The following DOCK9 variants were observed in gnomAD, a reference collection of about 807,000 sequenced individuals.
DOCK9 encodes the protein dedicator of cytokinesis protein 9.
Under a neutral mutation model 263.3 loss-of-function variants are expected in DOCK9, and 89 were observed. The observed-to-expected ratio is 0.34, with a 90% confidence interval of 0.28 to 0.40. The LOEUF (loss-of-function observed/expected upper bound fraction) is 0.40, where lower values mean the gene tolerates loss of function less well. Among genes scored for constraint, DOCK9 ranks in the 10% least tolerant of loss-of-function variants. The probability of loss-of-function intolerance (pLI) is 1.00; values close to 1 mark genes in which losing one functional copy is unlikely to be tolerated. For missense variants in DOCK9, 2,140 were observed against 2,603.4 expected (o/e 0.82, Z 3.87); for synonymous variants, 976 against 973.1 (o/e 1.00, Z -0.06).
chr13:98,809,067 A>G (rs2091024681), intron 47 of DOCK9: 1 of 1,520,654 alleles, frequency 6.6e-7, no homozygotes, highest in Non-Finnish European at 8.8e-7. Flanking sequence ...AAACTTGCAA[A>G]CCACACTGAA....
At chr13:99,059,940 T>A (rs554591369) in intron 1 of DOCK9, among the ~76,000 whole-genome samples, 1 of 152,124 alleles carries the variant, frequency 6.6e-6, no homozygotes, top group Non-Finnish European at 1.5e-5. Flanking sequence ...CCACTTCACA[T>A]AATGTTATCA....
At chr13:98,998,995 C>T (rs1215514293) in intron 1 of DOCK9, among the ~76,000 whole-genome samples, 1 of 152,110 alleles carries the variant, frequency 6.6e-6, no homozygotes, top group African/African-American at 2.4e-5. Context: ...ACTTTTGCTA[C>T]GTGAATCACC....
intron 1 of DOCK9, among the ~76,000 whole-genome samples, chr13:98,967,868 G>A (rs1003716237): frequency 6.6e-6 from 1 of 152,062 alleles, no homozygotes; most frequent in Non-Finnish European, 1.5e-5. Flanking sequence ...ACATATTAAT[G>A]CCATTAAGTA....
chr13:98,885,228 A>G (rs1170574751), intron 20 of DOCK9, 136 bp from the exon 21 acceptor site: 21 of 1,205,848 alleles, frequency 1.7e-5, no homozygotes, highest in Non-Finnish European at 2.4e-5. Flanking sequence ...AAAATGCCCT[A>G]AATGTAATCT....
intron 2 of DOCK9, among the ~76,000 whole-genome samples, chr13:98,947,104 T>G (rs1411697517): frequency 6.6e-6 from 1 of 152,206 alleles, no homozygotes; most frequent in Middle Eastern, 3.2e-3. Flanking sequence ...TGACAGCACT[T>G]GAGTGTTCCA....
chr13:98,898,213 C>T lies in DOCK9; in HGVS notation c.1552G>A (p.Gly518Arg). Reference sequence around the variant, plus strand: ...CAAGCAAATGGCATTCTATACTGTCCTAGTCTTTGGCATGCCTGCTTGGCA... The same window carrying T: ...CAAGCAAATGGCATTCTATACTGTCTTAGTCTTTGGCATGCCTGCTTGGCA... ...KNAKQACQRLGQYRMPFAWAA... is the reference protein window; with the variant it reads ...KNAKQACQRLRQYRMPFAWAA... The change falls in exon 14 of 53, where the codon GGA becomes AGA. Residue 518 changes from glycine (G) to arginine (R), a missense_variant. Physicochemically the swap from Gly to Arg is moderately radical, Grantham distance 125 (BLOSUM62 -2). This residue lies in a region of DOCK9 where 1,521 missense variants were observed against 1,741.7 expected (regional missense o/e 0.87). Coordinates refer to ENST00000682017, the MANE Select transcript of DOCK9 (RefSeq NM_001366683.2). 1.2e-6 allele frequency: 2 copies of T among 1,612,204 alleles called. No individual in the cohort carries two copies. The highest frequency in any genetic ancestry group is 1.7e-6 in the Non-Finnish European group (2 of 1,179,178).
intron 21 of DOCK9, among the ~76,000 whole-genome samples, chr13:98,884,213 G>C (rs1415245496): frequency 1.3e-5 from 2 of 152,224 alleles, no homozygotes; most frequent in African/African-American, 4.8e-5. Flanking sequence ...TTGAGCTCAG[G>C]ATTCTGAAGA....
intron 48 of DOCK9, among the ~76,000 whole-genome samples, chr13:98,806,908 CA>C (rs35437169): frequency 0.22 from 27,269 of 126,464 alleles, 3,225 homozygotes; most frequent in East Asian, 0.46. Context: ...GACTCCATCT[CA>C]AAAAAAAAAA....
intron 13 of DOCK9, 99 bp from the exon 14 acceptor site, chr13:98,898,360 C>A: frequency 1.2e-6 from 1 of 847,912 alleles, no homozygotes; most frequent in Non-Finnish European, 1.9e-6. Context: ...AAGTCCTTAC[C>A]ATAGCATTGG....
intron 27 of DOCK9, among the ~76,000 whole-genome samples, chr13:98,876,526 T>C (rs761396905): frequency 6.6e-6 from 1 of 152,046 alleles, no homozygotes; most frequent in Admixed American, 6.5e-5. Flanking sequence ...TCTAAAAATA[T>C]TAAAAACCCT....
intron 17 of DOCK9, 21 bp downstream of exon 17, chr13:98,888,339 A>C: frequency 6.2e-7 from 1 of 1,609,106 alleles, no homozygotes; most frequent in South Asian, 1.1e-5. Flanking sequence ...TCAAGAATGA[A>C]ACCTCCATCT....
intron 9 of DOCK9, among the ~76,000 whole-genome samples, chr13:98,909,930 T>C (rs952717370): frequency 6.6e-6 from 1 of 152,194 alleles, no homozygotes; most frequent in Non-Finnish European, 1.5e-5. Flanking sequence ...GAACAATAAG[T>C]TCATTTGCTT....
chr13:99,066,949 C>A (rs151053446), intron 1 of DOCK9, among the ~76,000 whole-genome samples: 1 of 152,256 alleles, frequency 6.6e-6, no homozygotes, highest in Admixed American at 6.5e-5. Flanking sequence ...ATTAAACATC[C>A]GGTTTCTGAA....
chr13:98,902,320 G>C lies in DOCK9; in HGVS notation c.1348C>G (p.Leu450Val). The C allele has an allele frequency of 6.2e-7, 1 of 1,613,970 alleles. No individual in the cohort carries two copies. The highest frequency in any genetic ancestry group is 8.5e-7 in the Non-Finnish European group (1 of 1,179,878). The stretch of plus-strand genomic sequence containing the variant: ...GGATACTGCATGGCGGCTTCATGAA[G>C]GATGCCCTTGAGGACAGATGGGCTC... Reference protein sequence around the residue: ...GQSPSVLKGILHEAAMQYPKQ... With the variant: ...GQSPSVLKGIVHEAAMQYPKQ... Residue 450 changes from leucine (L) to valine (V), a missense_variant, in exon 12 of 53, where the codon CTT becomes GTT. By Grantham distance (32) the Leu-to-Val change is conservative. Transcript: ENST00000682017.
intron 32 of DOCK9, 33 bp from the exon 33 acceptor site, chr13:98,860,555 G>A: frequency 6.5e-7 from 1 of 1,528,210 alleles, no homozygotes; most frequent in Non-Finnish European, 8.8e-7. Flanking sequence ...AACAATCAAA[G>A]ATGACTGGAA....
intron 1 of DOCK9, among the ~76,000 whole-genome samples, chr13:99,071,761 C>A (rs2041691469): frequency 6.6e-6 from 1 of 152,052 alleles, no homozygotes; most frequent in South Asian, 2.1e-4. Flanking sequence ...CCAATCCTTC[C>A]ACCATTCGCT....
chr13:99,087,521 C>G (rs2042374909), upstream of DOCK9, among the ~76,000 whole-genome samples: 1 of 152,186 alleles, frequency 6.6e-6, no homozygotes, highest in South Asian at 2.1e-4. Context: ...CACCGTGACG[C>G]AGAGCTGGCG....
At position 98,856,263 on chromosome 13, in the gene DOCK9, C is replaced by T. The variant is rs2093704448; in HGVS notation, c.3698-232G>A. 5 of 407,474 alleles carry T rather than the reference C, an allele frequency of 1.2e-5. No homozygotes were observed. The South Asian group carries it at 2.6e-4, about 21-fold the overall frequency. 25.2% of individuals were successfully genotyped at this position (407,474 alleles called of 1,614,324 possible). A position where few individuals can be genotyped will look rare whatever the true frequency, so the allele number is the denominator to read the frequency against. On this transcript the variant is annotated intron_variant, in intron 33 of 52. Coordinates refer to ENST00000682017, the MANE Select transcript of DOCK9 (RefSeq NM_001366683.2). The stretch of plus-strand genomic sequence containing the variant: ...AAACATCAATTCACTTGTTAGAAAC[C>T]ACCTTTGATCGCTAAAGACTAAATG...
At chr13:99,029,826 G>A (rs1390589706) in intron 1 of DOCK9, among the ~76,000 whole-genome samples, 2 of 152,124 alleles carry the variant, frequency 1.3e-5, no homozygotes, top group African/African-American at 4.8e-5. Flanking sequence ...ACAAAGACTT[G>A]TATACAAATG....
Sources: gnomAD v4.1 joint callset for allele counts (sites outside exome capture counted in the v4.1 genomes callset) on GRCh38, gnomAD v4.1.1 for gene constraint, gnomAD v4.1.1 regional missense constraint, MANE v1.5 for transcripts, NCBI Gene and HGNC (gene_info 2026-07-23, HGNC 2026-07-21) for gene names.